The following ESR1 variants were observed in gnomAD, a reference collection of about 807,000 sequenced individuals.
The protein encoded by ESR1 is estrogen receptor.
In ESR1, 12 loss-of-function variants were observed where a neutral mutation model predicts 52.7. The ratio of observed to expected loss-of-function variants is 0.23; its 90% CI spans 0.15 to 0.37. ESR1 has a LOEUF of 0.37. Among genes scored for constraint, ESR1 ranks in the 10% least tolerant of loss-of-function variants. The probability of loss-of-function intolerance (pLI) is 1.00; values close to 1 mark genes in which losing one functional copy is unlikely to be tolerated. For missense variants in ESR1, 584 were observed against 779.7 expected (o/e 0.75, Z 2.99); for synonymous variants, 305 against 316.8 (o/e 0.96, Z 0.39).
At chr6:152,104,784 G>A (rs1281314375), downstream of ESR1, among the ~76,000 whole-genome samples, 1 of 152,126 alleles carries the variant, frequency 6.6e-6, no homozygotes, top group Non-Finnish European at 1.5e-5. Flanking sequence ...TTGTTCTAAT[G>A]AGGCAGCTCC....
chr6:151,713,415 A>G (rs1240999485), intron 2 of ESR1, among the ~76,000 whole-genome samples: 2 of 152,200 alleles, frequency 1.3e-5, no homozygotes, highest in African/African-American at 4.8e-5. Flanking sequence ...AAGGAATGGT[A>G]CCAGCTCCTC....
At chr6:152,083,766 A>T (rs2049444858) in intron 6 of ESR1, among the ~76,000 whole-genome samples, 1 of 152,232 alleles carries the variant, frequency 6.6e-6, no homozygotes, top group Non-Finnish European at 1.5e-5. Context: ...TTTACAAGAA[A>T]AAAACAAACC....
At chr6:151,861,768 C>CT (rs148158091) in intron 2 of ESR1, among the ~76,000 whole-genome samples, 64 of 149,546 alleles carry the variant, frequency 4.3e-4, no homozygotes, top group East Asian at 2.6e-3. Flanking sequence ...TATTCTTACA[C>CT]TTTTTTTTTT....
intron 3 of ESR1, among the ~76,000 whole-genome samples, chr6:151,939,919 ATATTT>A (rs1426839677): frequency 1.3e-5 from 2 of 152,150 alleles, no homozygotes; most frequent in Non-Finnish European, 2.9e-5. Flanking sequence ...AAAAACAATA[ATATTT>A]TTGTTTTGTT....
At chr6:152,029,605 G>T (rs1271467774) in intron 5 of ESR1, among the ~76,000 whole-genome samples, 1 of 152,152 alleles carries the variant, frequency 6.6e-6, no homozygotes, top group African/African-American at 2.4e-5. Context: ...AGAATAAAAA[G>T]AAATGAACAA....
chr6:151,999,110 A>G (rs567096390), intron 4 of ESR1, among the ~76,000 whole-genome samples: 1 of 152,222 alleles, frequency 6.6e-6, no homozygotes, highest in Non-Finnish European at 1.5e-5. Context: ...TTCATACCTC[A>G]GGCAAATCTT....
intron 1 of ESR1, among the ~76,000 whole-genome samples, chr6:151,831,868 T>C (rs1246759163): frequency 1.3e-5 from 2 of 152,186 alleles, no homozygotes; most frequent in Non-Finnish European, 2.9e-5. Flanking sequence ...AGGGTCGTGC[T>C]GGGTTTTCCA....
At chr6:151,672,491 C>T (rs373848081) in intron 1 of ESR1, among the ~76,000 whole-genome samples, 13 of 152,096 alleles carry the variant, frequency 8.5e-5, no homozygotes, top group African/African-American at 2.2e-4. Context: ...CACATGCCAC[C>T]GTGCCCAGCT....
rs2128934374 is a variant in ESR1, at chr6:152,053,788, CT to C, written c.1236-7198del. ...TGGAGGCCGTGTAAATTGGTATAAC[CT>C]TTTTGGAAGGCGTTTTGGCAATACT... On this transcript the variant is annotated intron_variant, in intron 5 of 7. Coordinates refer to ENST00000206249, the MANE Select transcript of ESR1 (RefSeq NM_000125.4). This position sits in a 1 kb window ranked among gnomAD's most constrained non-coding sequence, Gnocchi z 4.1. Among the ~76,000 whole-genome samples, 1 of 152,072 alleles carries C rather than the reference CT, an allele frequency of 6.6e-6. No homozygotes were observed. The highest frequency in any genetic ancestry group is 1.5e-5 in the Non-Finnish European group (1 of 67,996).
intron 6 of ESR1, among the ~76,000 whole-genome samples, chr6:152,081,133 C>G (rs1386036180): frequency 6.6e-6 from 1 of 152,190 alleles, no homozygotes; most frequent in African/African-American, 2.4e-5. Context: ...ACCCAATAGA[C>G]ATCTACAGAA....
At chr6:151,958,496 C>A (rs2037258846) in intron 4 of ESR1, among the ~76,000 whole-genome samples, 1 of 152,214 alleles carries the variant, frequency 6.6e-6, no homozygotes. Context: ...AAGGCCATTG[C>A]ACAATGCTGC....
chr6:151,897,109 A>G (rs1795645282), intron 3 of ESR1, among the ~76,000 whole-genome samples: 1 of 152,170 alleles, frequency 6.6e-6, no homozygotes, highest in Non-Finnish European at 1.5e-5. Context: ...CATATGGTCT[A>G]TCCTAGAGAA....
chr6:151,706,342 G>A (rs981263468), intron 2 of ESR1, among the ~76,000 whole-genome samples: 1 of 152,170 alleles, frequency 6.6e-6, no homozygotes, highest in Non-Finnish European at 1.5e-5. Context: ...ACTGACTTTG[G>A]CAACAGGAGA....
At chr6:151,979,190 A>G (rs773933368) in intron 4 of ESR1, among the ~76,000 whole-genome samples, 9 of 152,070 alleles carry the variant, frequency 5.9e-5, no homozygotes, top group Non-Finnish European at 1.2e-4. Flanking sequence ...TAAAGGTTCT[A>G]TCTCCAAATA....
chr6:151,860,866 C>G (rs898957741), intron 2 of ESR1, among the ~76,000 whole-genome samples: 1 of 152,150 alleles, frequency 6.6e-6, no homozygotes, highest in Non-Finnish European at 1.5e-5. Context: ...TTAAAAACTT[C>G]CCTGTGGATT....
intron 3 of ESR1, among the ~76,000 whole-genome samples, chr6:151,889,037 T>C (rs536876214): frequency 3.0e-4 from 46 of 152,292 alleles, no homozygotes; most frequent in African/African-American, 1.1e-3. Context: ...TGGTGAATGA[T>C]TCTTTTTCAT....
chr6:152,075,450 A>AT (rs34033192), intron 6 of ESR1, among the ~76,000 whole-genome samples: 2,550 of 152,280 alleles, frequency 0.017, 69 homozygotes, highest in African/African-American at 0.058. Context: ...CTCATGTGAC[A>AT]TTTTTTCAAT....
intron 3 of ESR1, among the ~76,000 whole-genome samples, chr6:151,942,043 C>T (rs2035133829): frequency 6.6e-6 from 1 of 152,116 alleles, no homozygotes; most frequent in Non-Finnish European, 1.5e-5. Flanking sequence ...CAGGATCCAG[C>T]AATAAGTGTG....
chr6:151,869,155 C>T (rs1331061891), intron 2 of ESR1, among the ~76,000 whole-genome samples: 1 of 152,182 alleles, frequency 6.6e-6, no homozygotes, highest in Non-Finnish European at 1.5e-5. Flanking sequence ...TTCCTTGCTT[C>T]TTCAGCTTAG....
Sources: gnomAD v4.1 joint callset for allele counts (sites outside exome capture counted in the v4.1 genomes callset) on GRCh38, gnomAD v4.1.1 for gene constraint, Gnocchi (gnomAD v3.1) non-coding constraint, MANE v1.5 for transcripts, NCBI Gene and HGNC (gene_info 2026-07-23, HGNC 2026-07-21) for gene names.